The following CAPN9 variants were observed in gnomAD, a reference collection of about 807,000 sequenced individuals.
The protein encoded by CAPN9 is calpain 9, also known as calpain-9.
In CAPN9, 81 loss-of-function variants were observed where a neutral mutation model predicts 92.8. The ratio of observed to expected loss-of-function variants is 0.87; its 90% confidence interval spans 0.73 to 1.05. The LOEUF (loss-of-function observed/expected upper bound fraction) is 1.05, where lower values mean the gene tolerates loss of function less well. CAPN9 is among the 50% of genes least tolerant of loss of function. CAPN9 has a pLI of 0.00. For synonymous variants in CAPN9, 304 were observed against 328.0 expected, an observed-to-expected ratio of 0.93 and a Z score of 0.79; for missense variants, 848 against 866.2, an observed-to-expected ratio of 0.98 and a Z score of 0.26.
chr1:230,780,318 C>G lies in CAPN9; in HGVS notation c.1254C>G (p.Ile418Met). Reference protein sequence around the residue: ...LKRFGANVLTIGYAIYECPDK... With the variant: ...LKRFGANVLTMGYAIYECPDK... The stretch of plus-strand genomic sequence containing the variant: ...GATTTGGTGCCAATGTGCTGACAAT[C>G]GGCTATGCCATTTATGAGGTAGGTG... The change falls in exon 10 of 20, where the codon ATC (isoleucine) becomes ATG (methionine). Residue 418 changes from isoleucine to methionine, a missense_variant. Ile to Met is a conservative substitution (Grantham distance 10, BLOSUM62 1). Transcript: ENST00000271971. The G allele has an allele frequency of 1.2e-6, 2 of 1,613,950 alleles. No homozygotes were observed. The highest frequency in any genetic ancestry group is 1.7e-6 in the Non-Finnish European group (2 of 1,179,960).
intron 12 of CAPN9, among the ~76,000 whole-genome samples, chr1:230,787,021 G>T (rs1014856563): frequency 3.3e-5 from 5 of 152,120 alleles, no homozygotes; most frequent in Admixed American, 2.0e-4. Context: ...TCCATGCTGG[G>T]GCACAGCTTA....
intron 19 of CAPN9, among the ~76,000 whole-genome samples, chr1:230,800,368 A>G (rs1311746555): frequency 6.6e-6 from 1 of 152,186 alleles, no homozygotes; most frequent in East Asian, 1.9e-4. Context: ...GTAAATGATA[A>G]GTAATGTCAC....
intron 5 of CAPN9, among the ~76,000 whole-genome samples, chr1:230,768,051 AATAAAAAATAAAAT>A (rs1666119498): frequency 1.2e-5 from 1 of 82,946 alleles, no homozygotes; most frequent in Non-Finnish European, 3.2e-5. Flanking sequence ...TAAATAAATA[AATAAAAAATAAAAT>A]AAAATAAAAT....
At chr1:230,770,107 G>C (rs1218910706) in intron 6 of CAPN9, among the ~76,000 whole-genome samples, 1 of 152,098 alleles carries the variant, frequency 6.6e-6, no homozygotes, top group African/African-American at 2.4e-5. Context: ...CCTGTAATAC[G>C]ATTTATTGTA....
rs369755787 is a variant in CAPN9 at position 230,801,584 on chromosome 1, A to C, written c.2061A>C (p.Thr687=). The change falls in exon 20 of 20, where the codon ACA becomes ACC. Residue 687 remains threonine (T), a synonymous_variant. Transcript: ENST00000271971. ...TCTCTTCCCAGTTCATCCATTTGAC[A>C]ATGAACATCTGAGGCTGCCTTGTAG... ...HLNINEFIHL[T]MNI The C allele has an allele frequency of 6.8e-6, 11 of 1,613,894 alleles. No homozygotes were observed. Among genetic ancestry groups the C allele is most frequent in the South Asian group, 1.1e-5 (1 of 91,064 alleles).
intron 14 of CAPN9, 61 bp downstream of exon 14, chr1:230,790,250 C>T (rs1667890425): frequency 1.3e-6 from 2 of 1,595,914 alleles, no homozygotes; most frequent in Admixed American, 3.4e-5. Context: ...ACCACACTGC[C>T]TGGGTCCCCT....
intron 14 of CAPN9, 54 bp downstream of exon 14, chr1:230,790,243 A>G: frequency 6.2e-7 from 1 of 1,605,322 alleles, no homozygotes; most frequent in Non-Finnish European, 8.5e-7. Context: ...ACAAGCGACC[A>G]CACTGCCTGG....
At position 230,801,957 on chromosome 1, in the gene CAPN9, T is replaced by C. The variant is rs1008905329; in HGVS notation, c.*361T>C. 30 of 284,254 alleles carry C rather than the reference T, an allele frequency of 1.1e-4. No homozygotes were observed. The highest frequency in any genetic ancestry group is 5.3e-4 in the African/African-American group (25 of 47,284). The allele number at this position is 284,254 out of a possible 1,614,324, so 17.6% of individuals were successfully genotyped here. On this transcript the variant is annotated 3_prime_UTR_variant, in exon 20 of 20. Coordinates refer to ENST00000271971, the MANE Select transcript of CAPN9 (RefSeq NM_006615.3). Reference sequence around the variant, plus strand: ...TTCCATGTAGCTCCAGTCATTGTGATCAGACATCCTTTATAAAACATGTTT... The same window carrying C: ...TTCCATGTAGCTCCAGTCATTGTGACCAGACATCCTTTATAAAACATGTTT...
chr1:230,791,772 T>C, intron 14 of CAPN9, 92 bp from the exon 15 acceptor site: 1 of 940,354 alleles, frequency 1.1e-6, no homozygotes, highest in Non-Finnish European at 1.7e-6. Context: ...CCAACAGCCC[T>C]GGATTTAGCC....
intron 8 of CAPN9, 104 bp downstream of exon 8, chr1:230,774,735 CTTTCTTTTTTTTTT>C: frequency 1.7e-6 from 1 of 588,140 alleles, no homozygotes; most frequent in Non-Finnish European, 2.9e-6. Context: ...TTCTTTCTTT[CTTTCTTTTTTTTTT>C]TTTTTTTTTG....
At chr1:230,771,342 C>T (rs1397989190) in intron 6 of CAPN9, among the ~76,000 whole-genome samples, 1 of 152,256 alleles carries the variant, frequency 6.6e-6, no homozygotes, top group Non-Finnish European at 1.5e-5. Flanking sequence ...ACCCTCTCTC[C>T]TCTAAAACCC....
intron 1 of CAPN9, chr1:230,752,687 G>T (rs989124344): frequency 2.0e-6 from 2 of 985,272 alleles, no homozygotes; most frequent in African/African-American, 3.5e-5. Flanking sequence ...GGGATCTGTG[G>T]CTTTTGGAGT....
intron 13 of CAPN9, among the ~76,000 whole-genome samples, chr1:230,789,500 A>AAAAAAAAAAAAG (rs200162449): frequency 5.1e-5 from 7 of 138,176 alleles, no homozygotes; most frequent in African/African-American, 1.9e-4. Flanking sequence ...AAAAAAAAAA[A>AAAAAAAAAAAAG]GCCTGAGTCT....
intron 6 of CAPN9, among the ~76,000 whole-genome samples, chr1:230,771,028 C>T (rs988948385): frequency 3.3e-5 from 5 of 152,158 alleles, no homozygotes; most frequent in Non-Finnish European, 7.4e-5. Flanking sequence ...CTCACTCAAG[C>T]AGGCATGTGA....
At chr1:230,776,234 A>T (rs1400916497) in intron 8 of CAPN9, 1 of 152,184 alleles carries the variant, frequency 6.6e-6, no homozygotes, top group Non-Finnish European at 1.5e-5. Flanking sequence ...GAAAGAGGGC[A>T]AGGCAGCTCT....
At chr1:230,782,238 A>G (rs1667273206) in intron 11 of CAPN9, among the ~76,000 whole-genome samples, 2 of 152,234 alleles carry the variant, frequency 1.3e-5, no homozygotes, top group South Asian at 4.1e-4. Flanking sequence ...GATATTGAGT[A>G]TAAGAATCAG....
At chr1:230,776,237 G>C (rs1336152928) in intron 8 of CAPN9, 1 of 152,176 alleles carries the variant, frequency 6.6e-6, no homozygotes, top group Non-Finnish European at 1.5e-5. Flanking sequence ...AGAGGGCAAG[G>C]CAGCTCTCTG....
intron 6 of CAPN9, among the ~76,000 whole-genome samples, chr1:230,769,518 T>C (rs1214977557): frequency 3.9e-5 from 6 of 152,198 alleles, no homozygotes; most frequent in African/African-American, 1.4e-4. Flanking sequence ...TTCCTTTCTT[T>C]CCCAATTCTC....
chr1:230,793,644 C>T (rs1668156481), intron 17 of CAPN9, among the ~76,000 whole-genome samples: 1 of 152,224 alleles, frequency 6.6e-6, no homozygotes, highest in South Asian at 2.1e-4. Context: ...CCTCCTGAAC[C>T]TTTTAAAGTG....
Sources: allele counts gnomAD v4.1 joint callset (sites outside exome capture counted in the v4.1 genomes callset), GRCh38; gene constraint gnomAD v4.1.1; transcripts MANE v1.5; gene names NCBI Gene and HGNC (gene_info 2026-07-23, HGNC 2026-07-21).